Variants in KCNIP1 observed in about 807,000 individuals in gnomAD.
KCNIP1 encodes the protein A-type potassium channel modulatory protein KCNIP1.
KCNIP1 carries 18 observed loss-of-function variants against 33.0 expected under a neutral mutation model. The ratio of observed to expected loss-of-function variants is 0.55; its 90% CI spans 0.38 to 0.81. The LOEUF (loss-of-function observed/expected upper bound fraction) is 0.81. Ranked by LOEUF, KCNIP1 falls within the 30% of genes least tolerant of loss-of-function variation. The pLI is 0.00. For synonymous variants in KCNIP1, 93 were observed against 98.3 expected (o/e 0.95, Z 0.32); for missense variants, 238 against 271.6 (o/e 0.88, Z 0.87).
intron 1 of KCNIP1, among the ~76,000 whole-genome samples, chr5:170,623,124 G>C (rs553221205): frequency 1.3e-5 from 2 of 152,254 alleles, no homozygotes; most frequent in African/African-American, 4.8e-5. Flanking sequence ...AGGCGGTAAT[G>C]CTTGCTCGCC....
At chr5:170,621,184 T>C (rs1458169702) in intron 1 of KCNIP1, among the ~76,000 whole-genome samples, 1 of 152,232 alleles carries the variant, frequency 6.6e-6, no homozygotes, top group East Asian at 1.9e-4. Context: ...AAGGGTCACC[T>C]AGCTGGGCTG....
chr5:170,631,038 C>T (rs576196094), intron 1 of KCNIP1, among the ~76,000 whole-genome samples: 29 of 152,154 alleles, frequency 1.9e-4, no homozygotes, highest in Non-Finnish European at 4.0e-4. Flanking sequence ...GTCAATGACT[C>T]AGTGTGTGAA....
intron 1 of KCNIP1, among the ~76,000 whole-genome samples, chr5:170,372,841 C>T (rs1763882639): frequency 6.6e-6 from 1 of 152,246 alleles, no homozygotes; most frequent in Non-Finnish European, 1.5e-5. Context: ...ACAGAAGACA[C>T]ATCCCAAAGC....
chr5:170,425,751 G>A (rs1000224595), intron 1 of KCNIP1, among the ~76,000 whole-genome samples: 4 of 152,214 alleles, frequency 2.6e-5, no homozygotes, highest in African/African-American at 9.6e-5. Context: ...ACCTCTCCAG[G>A]TGAGGGCTCT....
chr5:170,398,805 A>G (rs1447934810), intron 1 of KCNIP1, among the ~76,000 whole-genome samples: 2 of 152,308 alleles, frequency 1.3e-5, no homozygotes, highest in East Asian at 1.9e-4. Flanking sequence ...TTGAGATTAT[A>G]AACAGGTTAT....
At chr5:170,591,232 A>G (rs1758243590) in intron 1 of KCNIP1, among the ~76,000 whole-genome samples, 1 of 152,222 alleles carries the variant, frequency 6.6e-6, no homozygotes, top group Non-Finnish European at 1.5e-5. Flanking sequence ...CCTCTAGCAC[A>G]GCACAGATCA....
chr5:170,645,267 A>G (rs1760739488), intron 1 of KCNIP1, among the ~76,000 whole-genome samples: 2 of 152,236 alleles, frequency 1.3e-5, no homozygotes, highest in Non-Finnish European at 2.9e-5. Flanking sequence ...ACAGGGTTTA[A>G]ATTGGATTTA....
In KCNIP1 at chr5:170,444,148, C is replaced by G. The variant is rs574213059; in HGVS notation, c.88+90184C>G. On this transcript the variant is annotated intron_variant, in intron 1 of 7. Coordinates refer to the KCNIP1 transcript ENST00000377360. ...AACTTCGTGGCTTCAAACAACACAC[C>G]TTTATTATCTGACATTTCTGGGGGT... Among the ~76,000 whole-genome samples, 4 of 152,286 alleles carry G rather than the reference C, an allele frequency of 2.6e-5. No individual in the cohort carries two copies. In the South Asian group the frequency reaches 8.3e-4, roughly 32 times the overall value.
At chr5:170,544,366 T>C (rs568094045) in intron 1 of KCNIP1, among the ~76,000 whole-genome samples, 1 of 152,180 alleles carries the variant, frequency 6.6e-6, no homozygotes, top group Non-Finnish European at 1.5e-5. Flanking sequence ...TAACATGTAC[T>C]ATTACATGTT....
At chr5:170,479,623 AATGTATC>A (rs1398344490) in intron 1 of KCNIP1, among the ~76,000 whole-genome samples, 65 of 152,308 alleles carry the variant, frequency 4.3e-4, no homozygotes, top group African/African-American at 1.5e-3. Flanking sequence ...CCCAAGGAAA[AATGTATC>A]TGTCCCTTCT....
At chr5:170,401,576 C>A (rs1419782717) in intron 1 of KCNIP1, among the ~76,000 whole-genome samples, 1 of 152,132 alleles carries the variant, frequency 6.6e-6, no homozygotes, top group Non-Finnish European at 1.5e-5. Flanking sequence ...CCAGCCTGGG[C>A]AACATAGTGA....
intron 1 of KCNIP1, among the ~76,000 whole-genome samples, chr5:170,456,260 G>C (rs1212568991): frequency 1.3e-5 from 2 of 152,066 alleles, no homozygotes; most frequent in Non-Finnish European, 2.9e-5. Context: ...GTTGAACAAT[G>C]AGTACACATG....
intron 3 of KCNIP1, among the ~76,000 whole-genome samples, chr5:170,721,132 C>T (rs1490302740): frequency 6.6e-6 from 1 of 152,174 alleles, no homozygotes; most frequent in African/African-American, 2.4e-5. Context: ...AAATGCAAAT[C>T]CAAGTATTCC....
Position 170,610,209 on chromosome 5 carries a change from T to G in KCNIP1, c.61+105576T>G, listed in dbSNP as rs145502196. 2.7e-3 allele frequency among the ~76,000 whole-genome samples: 410 copies of G among 152,320 alleles called. 3 individuals are homozygous for G. Among genetic ancestry groups the G allele is most frequent in the African/African-American group, 9.3e-3 (388 of 41,564 alleles). ...GTTTAACGAGCCCCCTAGGTGATGATGATACATGCTGAGGAGTACGAACCA... is the reference window on the plus strand; with the variant it reads ...GTTTAACGAGCCCCCTAGGTGATGAGGATACATGCTGAGGAGTACGAACCA... On this transcript the variant is annotated intron_variant, in intron 1 of 7. Transcript: ENST00000328939.
At chr5:170,712,697 G>A (rs1446276218) in intron 1 of KCNIP1, among the ~76,000 whole-genome samples, 14 of 152,274 alleles carry the variant, frequency 9.2e-5, no homozygotes, top group Admixed American at 2.6e-4. Flanking sequence ...GAAAAGGACA[G>A]GGAGCTCAGC....
intron 1 of KCNIP1, among the ~76,000 whole-genome samples, chr5:170,576,476 C>T (rs1250992199): frequency 6.6e-6 from 1 of 152,202 alleles, no homozygotes; most frequent in Non-Finnish European, 1.5e-5. Context: ...TAATAGGTAA[C>T]TGGCCAGAGT....
At chr5:170,669,116 C>A (rs1337241553) in intron 1 of KCNIP1, among the ~76,000 whole-genome samples, 18 of 152,178 alleles carry the variant, frequency 1.2e-4, no homozygotes. Flanking sequence ...GGGACTGGGT[C>A]TCTCTAGCAC....
chr5:170,721,477 GTC>G (rs1763822169), intron 3 of KCNIP1, among the ~76,000 whole-genome samples: 2 of 152,270 alleles, frequency 1.3e-5, no homozygotes, highest in South Asian at 4.1e-4. Context: ...CCAAGTTCAG[GTC>G]TCTCTACTCT....
chr5:170,723,017 G>C (rs935487349), intron 5 of KCNIP1, among the ~76,000 whole-genome samples, 197 bp downstream of exon 5: 3 of 152,118 alleles, frequency 2.0e-5, no homozygotes, highest in Non-Finnish European at 4.4e-5. Context: ...CGCCCAGAAA[G>C]GATTAAACAG....
Sources: gnomAD v4.1 joint callset for allele counts (sites outside exome capture counted in the v4.1 genomes callset) on GRCh38, gnomAD v4.1.1 for gene constraint, MANE v1.5 for transcripts, NCBI Gene and HGNC (gene_info 2026-07-23, HGNC 2026-07-21) for gene names.